Variants in MAP4K3 observed in about 807,000 individuals in gnomAD.
MAP4K3 encodes mitogen-activated protein kinase kinase kinase kinase 3, also known as MAPK/ERK kinase kinase kinase 3.
A neutral mutation model predicts 143.5 loss-of-function variants in MAP4K3; 94 were observed. The observed-to-expected ratio is 0.65, with a 90% confidence interval of 0.55 to 0.78. The LOEUF (loss-of-function observed/expected upper bound fraction) is 0.78, where lower values mean the gene tolerates loss of function less well. Among genes scored for constraint, MAP4K3 ranks in the 30% least tolerant of loss-of-function variants. The probability of loss-of-function intolerance (pLI) is 0.00; values close to 1 mark genes in which losing one functional copy is unlikely to be tolerated. For synonymous variants in MAP4K3, 416 were observed against 347.2 expected (o/e 1.20, Z -2.20); for missense variants, 1,077 against 1,068.1 (o/e 1.01, Z -0.12).
At chr2:39,285,111 T>G (rs1681714106) in intron 21 of MAP4K3, among the ~76,000 whole-genome samples, 1 of 152,026 alleles carries the variant, frequency 6.6e-6, no homozygotes, top group African/African-American at 2.4e-5. Context: ...AGGCTGGTCT[T>G]GAACTTCTGC....
intron 7 of MAP4K3, among the ~76,000 whole-genome samples, chr2:39,332,199 T>G (rs1683705645): frequency 6.6e-6 from 1 of 152,042 alleles, no homozygotes; most frequent in African/African-American, 2.4e-5. Flanking sequence ...CCAAATAAGA[T>G]TCCCATATAT....
intron 2 of MAP4K3, among the ~76,000 whole-genome samples, chr2:39,373,406 T>C (rs917920374): frequency 6.6e-6 from 1 of 152,094 alleles, no homozygotes; most frequent in African/African-American, 2.4e-5. Context: ...AAAATAGAAC[T>C]ACCATACAAT....
chr2:39,427,610 T>C (rs960984395), intron 1 of MAP4K3, among the ~76,000 whole-genome samples: 2 of 152,176 alleles, frequency 1.3e-5, no homozygotes, highest in African/African-American at 4.8e-5. Context: ...GAAAGATCAG[T>C]TAACTTCAGA....
rs1680160941 is a variant in MAP4K3, at chr2:39,251,735, C to CA, written c.2597+94dup. The CA allele has an allele frequency of 3.0e-6, 3 of 997,900 alleles. No homozygotes were observed. In the East Asian group the frequency reaches 7.4e-5, roughly 25 times the overall value. The allele number at this position is 997,900 out of a possible 1,614,324, so 61.8% of individuals were successfully genotyped here. On this transcript the variant is annotated intron_variant, in intron 33 of 33. Transcript: ENST00000263881. ...GAAAAATTCAATGTTGAACATATTG[C>CA]AGACATTTCAATTCTCTTGAAAAAG... is the stretch of plus-strand genomic sequence containing the variant.
intron 1 of MAP4K3, among the ~76,000 whole-genome samples, chr2:39,378,336 C>T (rs1666274403): frequency 6.6e-6 from 1 of 152,066 alleles, no homozygotes; most frequent in Non-Finnish European, 1.5e-5. Context: ...AGCTAATATA[C>T]ACTTAGATGT....
chr2:39,294,943 G>C (rs971824500), intron 16 of MAP4K3, among the ~76,000 whole-genome samples: 5 of 151,490 alleles, frequency 3.3e-5, no homozygotes, highest in African/African-American at 1.2e-4. Flanking sequence ...GAGTTTTCCA[G>C]AGACTACAAG....
intron 1 of MAP4K3, among the ~76,000 whole-genome samples, chr2:39,381,662 CAGAT>C (rs948112763): frequency 6.6e-6 from 1 of 152,114 alleles, no homozygotes; most frequent in Non-Finnish European, 1.5e-5. Flanking sequence ...TATACTGTGT[CAGAT>C]AGGGCTTCAG....
intron 1 of MAP4K3, among the ~76,000 whole-genome samples, chr2:39,395,632 C>T (rs1666784026): frequency 6.6e-6 from 1 of 152,156 alleles, no homozygotes; most frequent in Non-Finnish European, 1.5e-5. Context: ...CTCCTGTTAT[C>T]CTATTTATCC....
intron 6 of MAP4K3, 144 bp downstream of exon 6, chr2:39,336,776 A>G (rs1664981078): frequency 2.5e-6 from 1 of 407,288 alleles, no homozygotes; most frequent in Non-Finnish European, 4.5e-6. Flanking sequence ...GCTATAAAAA[A>G]TTAAACTATT....
chr2:39,310,828 C>T (rs1429369712), intron 13 of MAP4K3, among the ~76,000 whole-genome samples: 2 of 151,972 alleles, frequency 1.3e-5, no homozygotes. Flanking sequence ...TTTTGATTTG[C>T]ATTTTCTTTA....
chr2:39,312,784 T>C (rs1314826757), intron 13 of MAP4K3, among the ~76,000 whole-genome samples: 1 of 152,248 alleles, frequency 6.6e-6, no homozygotes, highest in Non-Finnish European at 1.5e-5. Flanking sequence ...TACCTCATCT[T>C]GATAAAGGCC....
chr2:39,279,119 C>T (rs1681399793), intron 23 of MAP4K3, among the ~76,000 whole-genome samples: 1 of 152,132 alleles, frequency 6.6e-6, no homozygotes, highest in Admixed American at 6.5e-5. Flanking sequence ...GGAAAGAACA[C>T]TTCCAAGAGA....
chr2:39,291,348 G>A (rs1411680463), intron 18 of MAP4K3, among the ~76,000 whole-genome samples: 1 of 151,988 alleles, frequency 6.6e-6, no homozygotes, highest in Non-Finnish European at 1.5e-5. Flanking sequence ...ATTAAAACTG[G>A]GAAAGATAAT....
chr2:39,320,765 T>C (rs1683274703), intron 12 of MAP4K3, among the ~76,000 whole-genome samples: 1 of 152,226 alleles, frequency 6.6e-6, no homozygotes, highest in Non-Finnish European at 1.5e-5. Flanking sequence ...ATCTATTTCA[T>C]GTAATTATTG....
At chr2:39,334,549 A>T (rs1445204097) in intron 6 of MAP4K3, among the ~76,000 whole-genome samples, 1 of 152,164 alleles carries the variant, frequency 6.6e-6, no homozygotes, top group African/African-American at 2.4e-5. Flanking sequence ...AAGGAGAAAA[A>T]GGAAAGAGAC....
At chr2:39,424,324 G>T (rs538506848) in intron 1 of MAP4K3, among the ~76,000 whole-genome samples, 71 of 152,220 alleles carry the variant, frequency 4.7e-4, no homozygotes, top group African/African-American at 1.5e-3. Context: ...CCACCAACAG[G>T]GGGGAGGGGA....
rs570735643 is a variant in MAP4K3, at chr2:39,374,030, T to G, written c.154+4036A>C. Among the ~76,000 whole-genome samples the G allele has an allele frequency of 3.3e-5, 5 of 152,332 alleles. No homozygotes were observed. In the South Asian group the frequency reaches 1.0e-3, roughly 32 times the overall value. ...ATATCCATCTACCCTGGTGTGATTA[T>G]TATGCATTGCGTGTCTGTATCAAAA... On this transcript the variant is annotated intron_variant, in intron 2 of 33. Transcript: ENST00000263881.
chr2:39,335,340 C>G (rs1664908826), intron 6 of MAP4K3, among the ~76,000 whole-genome samples: 1 of 152,088 alleles, frequency 6.6e-6, no homozygotes, highest in South Asian at 2.1e-4. Flanking sequence ...CAGGCTATTA[C>G]AAAAGACCAC....
At chr2:39,277,412 A>C (rs1423863803) in intron 24 of MAP4K3, among the ~76,000 whole-genome samples, 1 of 152,150 alleles carries the variant, frequency 6.6e-6, no homozygotes, top group Non-Finnish European at 1.5e-5. Flanking sequence ...CTCTGTGGCC[A>C]ATATCTTATA....
Sources: allele counts gnomAD v4.1 joint callset (sites outside exome capture counted in the v4.1 genomes callset), GRCh38; gene constraint gnomAD v4.1.1; transcripts MANE v1.5; gene names NCBI Gene and HGNC (gene_info 2026-07-23, HGNC 2026-07-21).